The following PTK2 variants were observed in gnomAD, a reference collection of about 807,000 sequenced individuals.
The protein encoded by PTK2 is protein tyrosine kinase 2.
PTK2 carries 45 observed loss-of-function variants against 150.1 expected under a neutral mutation model. The ratio of observed to expected loss-of-function variants is 0.30; its 90% CI spans 0.24 to 0.38. The LOEUF (loss-of-function observed/expected upper bound fraction) is 0.38, where lower values mean the gene tolerates loss of function less well. Ranked by LOEUF, PTK2 falls within the 10% of genes least tolerant of loss-of-function variation. PTK2 has a pLI of 1.00. For missense variants in PTK2, 919 were observed against 1,307.3 expected (o/e 0.70, Z 4.58); for synonymous variants, 432 against 449.2 (o/e 0.96, Z 0.48).
chr8:140,731,382 T>C (rs2100049251), intron 22 of PTK2, among the ~76,000 whole-genome samples: 2 of 152,156 alleles, frequency 1.3e-5, no homozygotes, highest in Admixed American at 6.5e-5. Flanking sequence ...AGTATTCCTA[T>C]TGAGGAATTT....
intron 23 of PTK2, among the ~76,000 whole-genome samples, chr8:140,710,496 C>T (rs2100036211): frequency 6.6e-6 from 1 of 152,060 alleles, no homozygotes; most frequent in Non-Finnish European, 1.5e-5. Flanking sequence ...TGGTGAAACC[C>T]TGTCTTTACT....
intron 22 of PTK2, among the ~76,000 whole-genome samples, chr8:140,725,855 A>AC (rs1455389204): frequency 3.9e-5 from 6 of 151,988 alleles, no homozygotes; most frequent in Non-Finnish European, 8.8e-5. Flanking sequence ...AAAAAAAAAA[A>AC]AAACCCATAA....
chr8:140,833,994 C>T (rs2100117122), intron 7 of PTK2, among the ~76,000 whole-genome samples: 2 of 152,184 alleles, frequency 1.3e-5, no homozygotes, highest in Admixed American at 6.5e-5. Flanking sequence ...TTTATACTTA[C>T]ATTAGTTGAA....
chr8:140,993,090 G>A (rs1183715979), intron 1 of PTK2, among the ~76,000 whole-genome samples: 2 of 152,136 alleles, frequency 1.3e-5, no homozygotes, highest in South Asian at 2.1e-4. Context: ...CTACAAGATT[G>A]ATTTCTAGAA....
intron 2 of PTK2, among the ~76,000 whole-genome samples, chr8:140,892,219 G>A (rs944653300): frequency 2.0e-5 from 3 of 151,382 alleles, no homozygotes; most frequent in Non-Finnish European, 4.4e-5. Flanking sequence ...ACAAACAAAC[G>A]AACAAACACA....
intron 23 of PTK2, among the ~76,000 whole-genome samples, chr8:140,708,318 A>G (rs892276811): frequency 6.6e-6 from 1 of 152,032 alleles, no homozygotes; most frequent in African/African-American, 2.4e-5. Context: ...TTTTGCTTAT[A>G]CTGTCCCCTC....
At chr8:140,703,739 T>C (rs917745106) in intron 24 of PTK2, among the ~76,000 whole-genome samples, 7 of 152,164 alleles carry the variant, frequency 4.6e-5, no homozygotes, top group African/African-American at 1.7e-4. Flanking sequence ...CAGTTGGACA[T>C]AGAGAAAAAT....
intron 21 of PTK2, among the ~76,000 whole-genome samples, chr8:140,736,069 T>C (rs990198447): frequency 6.6e-6 from 1 of 152,244 alleles, no homozygotes; most frequent in African/African-American, 2.4e-5. Context: ...AAAAGTTTAC[T>C]TGCACTCTAC....
At chr8:140,949,849 C>A (rs1305056943) in intron 1 of PTK2, among the ~76,000 whole-genome samples, 1 of 152,178 alleles carries the variant, frequency 6.6e-6, no homozygotes, top group African/African-American at 2.4e-5. Context: ...GCCCGGGAGC[C>A]AGGCCACCAG....
chr8:140,665,745 T>C (rs963176129), intron 30 of PTK2, among the ~76,000 whole-genome samples: 41 of 152,264 alleles, frequency 2.7e-4, no homozygotes, highest in Non-Finnish European at 4.0e-4. Flanking sequence ...AAGAACGTCA[T>C]TTGGCCAAAG....
chr8:140,957,427 A>G (rs991949809), intron 1 of PTK2, among the ~76,000 whole-genome samples: 1 of 152,214 alleles, frequency 6.6e-6, no homozygotes, highest in African/African-American at 2.4e-5. Flanking sequence ...AATAGTCATA[A>G]GTTTAAAAAC....
chr8:140,897,090 G>C (rs146791880), intron 2 of PTK2, among the ~76,000 whole-genome samples: 199 of 152,264 alleles, frequency 1.3e-3, no homozygotes, highest in Middle Eastern at 0.01. Context: ...CAAGTCATCA[G>C]AAGAAAAGAT....
At chr8:140,700,144 C>T (rs1224505715) in intron 26 of PTK2, among the ~76,000 whole-genome samples, 2 of 152,146 alleles carry the variant, frequency 1.3e-5, no homozygotes, top group Admixed American at 1.3e-4. Context: ...GCATACTACA[C>T]TAACTTTTTA....
chr8:140,813,483 CTG>C (rs2100102832), intron 10 of PTK2, among the ~76,000 whole-genome samples: 1 of 151,578 alleles, frequency 6.6e-6, no homozygotes, highest in Non-Finnish European at 1.5e-5. Flanking sequence ...AAAATCATGA[CTG>C]AGAAATTTGC....
At chr8:140,834,608 G>A (rs138086216) in intron 7 of PTK2, among the ~76,000 whole-genome samples, 1 of 152,180 alleles carries the variant, frequency 6.6e-6, no homozygotes, top group Non-Finnish European at 1.5e-5. Context: ...GACATACTAG[G>A]CACTATAACA....
chr8:140,746,769 T>A (rs758083967), exon 18 of PTK2: 3 of 1,608,928 alleles, frequency 1.9e-6, no homozygotes, highest in Non-Finnish European at 2.6e-6. Flanking sequence ...CCTCTCCAAG[T>A]GTGCACAGCT....
intron 1 of PTK2, among the ~76,000 whole-genome samples, chr8:140,966,239 T>A (rs892085015): frequency 6.6e-6 from 1 of 152,224 alleles, no homozygotes; most frequent in Non-Finnish European, 1.5e-5. Context: ...CTAGAGCGCA[T>A]GATTATCGAT....
At chr8:140,980,677 A>G (rs2100191071) in intron 1 of PTK2, among the ~76,000 whole-genome samples, 1 of 152,130 alleles carries the variant, frequency 6.6e-6, no homozygotes, top group Non-Finnish European at 1.5e-5. Context: ...AGAAATGGCA[A>G]AAACAGGTAC....
intron 26 of PTK2, among the ~76,000 whole-genome samples, chr8:140,698,849 AAG>A: frequency 6.6e-6 from 1 of 151,866 alleles, no homozygotes; most frequent in African/African-American, 2.4e-5. Flanking sequence ...TTCTGACCTC[AAG>A]TGATCAGCCC....
Sources: allele counts gnomAD v4.1 joint callset (sites outside exome capture counted in the v4.1 genomes callset), GRCh38; gene constraint gnomAD v4.1.1; transcripts MANE v1.5; gene names NCBI Gene and HGNC (gene_info 2026-07-23, HGNC 2026-07-21).